The following NEK1 variants were observed in gnomAD, a reference collection of about 807,000 sequenced individuals.
The protein encoded by NEK1 is serine/threonine-protein kinase Nek1.
A neutral mutation model predicts 182.1 loss-of-function variants in NEK1; 137 were observed. That is an observed-to-expected ratio of 0.75 (90% CI 0.65 to 0.87). The LOEUF (loss-of-function observed/expected upper bound fraction) is 0.87. NEK1 is among the 40% of genes least tolerant of loss of function. The probability of loss-of-function intolerance (pLI) is 0.00; values close to 1 mark genes in which losing one functional copy is unlikely to be tolerated. For synonymous variants in NEK1, 513 were observed against 492.2 expected (o/e 1.04, Z -0.56); for missense variants, 1,391 against 1,494.4 (o/e 0.93, Z 1.14).
At chr4:169,582,671 T>C (rs774981084) in intron 10 of NEK1, among the ~76,000 whole-genome samples, 6 of 152,292 alleles carry the variant, frequency 3.9e-5, no homozygotes, top group South Asian at 4.1e-4. Flanking sequence ...CTCATGTGAA[T>C]TGAGAGATGG....
chr4:169,551,557 T>C (rs1171401469), intron 18 of NEK1, among the ~76,000 whole-genome samples: 1 of 152,072 alleles, frequency 6.6e-6, no homozygotes, highest in Non-Finnish European at 1.5e-5. Context: ...ACATGGGAAA[T>C]ATGTATGGTA....
chr4:169,528,915 G>C (rs1406119921), intron 19 of NEK1, among the ~76,000 whole-genome samples: 1 of 152,006 alleles, frequency 6.6e-6, no homozygotes, highest in Non-Finnish European at 1.5e-5. Flanking sequence ...GAAATCCTAC[G>C]AAGTATGTCC....
At chr4:169,577,611 T>C (rs1765910008) in intron 11 of NEK1, among the ~76,000 whole-genome samples, 2 of 151,796 alleles carry the variant, frequency 1.3e-5, no homozygotes, top group African/African-American at 2.4e-5. Context: ...AAAAATTAGC[T>C]GGGCTGGTGG....
At chr4:169,534,624 A>G (rs1210008953) in intron 19 of NEK1, among the ~76,000 whole-genome samples, 1 of 152,186 alleles carries the variant, frequency 6.6e-6, no homozygotes, top group African/African-American at 2.4e-5. Context: ...CAAATCAATG[A>G]AGCATTGGGT....
chr4:169,428,351 G>GATATGGATATATATATATAT (rs1736773329), intron 29 of NEK1, among the ~76,000 whole-genome samples: 1 of 93,246 alleles, frequency 1.1e-5, no homozygotes, highest in South Asian at 4.6e-4. Flanking sequence ...AAATATATGG[G>GATATGGATATATATATATAT]ATATATATAT....
intron 27 of NEK1, among the ~76,000 whole-genome samples, chr4:169,439,014 TAAA>T (rs984359578): frequency 2.6e-5 from 4 of 152,230 alleles, no homozygotes; most frequent in African/African-American, 9.6e-5. Flanking sequence ...ACTCCAACTC[TAAA>T]AAAATTTTAC....
At chr4:169,607,208 AAT>A (rs1200042853) in intron 2 of NEK1, among the ~76,000 whole-genome samples, 3 of 152,228 alleles carry the variant, frequency 2.0e-5, no homozygotes, top group African/African-American at 7.2e-5. Flanking sequence ...CAAAACTAAC[AAT>A]TTTTACAAGA....
intron 31 of NEK1, among the ~76,000 whole-genome samples, chr4:169,423,860 T>C (rs1369052921): frequency 2.0e-5 from 3 of 152,148 alleles, no homozygotes; most frequent in South Asian, 2.1e-4. Flanking sequence ...ATAAAGAGAA[T>C]ATGTGACAAT....
intron 19 of NEK1, among the ~76,000 whole-genome samples, chr4:169,513,472 T>C (rs1202318257): frequency 6.6e-6 from 1 of 152,210 alleles, no homozygotes; most frequent in Non-Finnish European, 1.5e-5. Context: ...GGAGTATTTT[T>C]GTAGAGTTCT....
intron 27 of NEK1, among the ~76,000 whole-genome samples, chr4:169,448,659 T>C (rs181064223): frequency 3.9e-5 from 6 of 152,046 alleles, no homozygotes; most frequent in African/African-American, 1.2e-4. Context: ...AGTGGCTGAA[T>C]AGATTAAAAA....
chr4:169,406,838 CAT>C, intron 31 of NEK1, 91 bp from the exon 32 acceptor site: 3 of 1,058,340 alleles, frequency 2.8e-6, no homozygotes, highest in East Asian at 2.8e-5. Context: ...AATTTTGTTA[CAT>C]ATGTGTAAAA....
chr4:169,507,131 G>T lies in NEK1; in HGVS notation c.1913C>A (p.Ala638Asp). The T allele has an allele frequency of 6.4e-7, 1 of 1,573,576 alleles. No homozygotes were observed. The highest frequency in any genetic ancestry group is 8.6e-7 in the Non-Finnish European group (1 of 1,162,472). The change falls in exon 23 of 36, where the codon GCC becomes GAC. Residue 638 changes from alanine to aspartate, a missense_variant and splice_region_variant. Physicochemically the swap from Ala to Asp is moderately radical, Grantham distance 126. Around this residue, in one of 5 missense-constraint regions of NEK1, gnomAD observed 1,216 missense variants for 1,277.6 expected, o/e 0.95. Coordinates refer to ENST00000507142, the MANE Select transcript of NEK1 (RefSeq NM_001199397.3). ...MRRKKIESLK[A>D]HANARAAVLK... ...TACAGCAGCACGTGCATTTGCATGG[G>T]CCTAAAAATAAAAACAATTAACAAA... is the stretch of plus-strand genomic sequence containing the variant.
intron 16 of NEK1, 82 bp from the exon 17 acceptor site, chr4:169,556,177 T>C: frequency 8.0e-7 from 1 of 1,249,152 alleles, no homozygotes. Context: ...AAAAAGTAAA[T>C]TTCAATGCTT....
intron 23 of NEK1, among the ~76,000 whole-genome samples, chr4:169,501,293 T>C (rs1385061345): frequency 6.6e-6 from 1 of 151,980 alleles, no homozygotes; most frequent in Non-Finnish European, 1.5e-5. Context: ...GACAATAATA[T>C]CATACAATAA....
At chr4:169,556,203 A>G (rs1762143517) in intron 16 of NEK1, 108 bp from the exon 17 acceptor site, 2 of 976,934 alleles carry the variant, frequency 2.0e-6, no homozygotes, top group Admixed American at 3.2e-5. Context: ...TTAAAAAGTA[A>G]TTACTTAATA....
At chr4:169,563,846 G>A (rs1763296372) in intron 12 of NEK1, among the ~76,000 whole-genome samples, 1 of 152,030 alleles carries the variant, frequency 6.6e-6, no homozygotes, top group Non-Finnish European at 1.5e-5. Flanking sequence ...TTTTTATATG[G>A]TTTTCTTCTC....
intron 18 of NEK1, among the ~76,000 whole-genome samples, chr4:169,547,839 T>C (rs1461684023): frequency 6.6e-6 from 1 of 152,234 alleles, no homozygotes; most frequent in Non-Finnish European, 1.5e-5. Context: ...TATGTTCTTC[T>C]TTAAACTGGT....
intron 19 of NEK1, among the ~76,000 whole-genome samples, chr4:169,523,473 T>C (rs1408135922): frequency 6.6e-6 from 1 of 152,146 alleles, no homozygotes; most frequent in Non-Finnish European, 1.5e-5. Context: ...GCTGATAATA[T>C]ACACCAAGGA....
chr4:169,478,220 AC>A (rs770194515), intron 24 of NEK1: 1 of 152,142 alleles, frequency 6.6e-6, no homozygotes, highest in Non-Finnish European at 1.5e-5. Context: ...AGTGACATTT[AC>A]CAACACAACA....
Sources: allele counts gnomAD v4.1 joint callset (sites outside exome capture counted in the v4.1 genomes callset), GRCh38; gene constraint gnomAD v4.1.1; regional missense constraint gnomAD v4.1.1; transcripts MANE v1.5; gene names NCBI Gene and HGNC (gene_info 2026-07-23, HGNC 2026-07-21).